ATP9A: variants seen among roughly 807,000 people sequenced by gnomAD.
ATP9A encodes the protein ATPase phospholipid transporting 9A, also known as probable phospholipid-transporting ATPase IIA.
Under a neutral mutation model 144.1 loss-of-function variants are expected in ATP9A, and 52 were observed. The observed-to-expected ratio is 0.36, with a 90% CI of 0.29 to 0.45. The LOEUF is 0.45. Among genes scored for constraint, ATP9A ranks in the 20% least tolerant of loss-of-function variants. The pLI, the probability that ATP9A is intolerant of heterozygous loss-of-function variation, is 1.00. For missense variants in ATP9A, 947 were observed against 1,392.7 expected, an observed-to-expected ratio of 0.68 and a Z score of 5.09; for synonymous variants, 582 against 557.4, an observed-to-expected ratio of 1.04 and a Z score of -0.62.
chr20:51,709,293 C>A (rs914281458), intron 4 of ATP9A, among the ~76,000 whole-genome samples: 10 of 151,996 alleles, frequency 6.6e-5, no homozygotes, highest in Admixed American at 4.6e-4. Context: ...GGTGGGCCAA[C>A]TGCCTGAGGT....
intron 1 of ATP9A, among the ~76,000 whole-genome samples, chr20:51,738,498 G>A (rs1158561528): frequency 6.6e-6 from 1 of 150,908 alleles, no homozygotes; most frequent in Non-Finnish European, 1.5e-5. Flanking sequence ...GAGGTCAGGA[G>A]TTCACGACCA....
At chr20:51,632,398 C>A (rs971939515) in intron 15 of ATP9A, among the ~76,000 whole-genome samples, 2 of 152,170 alleles carry the variant, frequency 1.3e-5, no homozygotes, top group Non-Finnish European at 2.9e-5. Context: ...TATAACTGAA[C>A]TAAAACTTCC....
chr20:51,679,534 G>A (rs922017915), intron 9 of ATP9A, among the ~76,000 whole-genome samples: 2 of 151,942 alleles, frequency 1.3e-5, no homozygotes, highest in Non-Finnish European at 2.9e-5. Context: ...CTGTTGACCC[G>A]AAAGTATCCA....
intron 14 of ATP9A, among the ~76,000 whole-genome samples, chr20:51,656,249 A>T (rs2077386383): frequency 6.6e-6 from 1 of 152,118 alleles, no homozygotes; most frequent in Non-Finnish European, 1.5e-5. Flanking sequence ...AAAATATACT[A>T]ACTATATTAA....
At chr20:51,761,677 G>A (rs1284250993) in intron 1 of ATP9A, among the ~76,000 whole-genome samples, 2 of 151,646 alleles carry the variant, frequency 1.3e-5, no homozygotes, top group Admixed American at 6.6e-5. Context: ...GGAGAATGGC[G>A]CGAACCCGGA....
intron 3 of ATP9A, among the ~76,000 whole-genome samples, chr20:51,715,379 G>C (rs2077657643): frequency 6.6e-6 from 1 of 152,204 alleles, no homozygotes; most frequent in Non-Finnish European, 1.5e-5. Context: ...AACCTGTTCT[G>C]TGAGGAGCAC....
At position 51,611,277 on chromosome 20, in the gene ATP9A, T is replaced by C. The variant is rs868402297; in HGVS notation, c.2572-1112A>G. Reference sequence around the variant, plus strand: ...AGAGCGCAGGTGATCCTGAGCGCCATGGCCACAGGAAGCCCCAGTTCGCCC... The same window carrying C: ...AGAGCGCAGGTGATCCTGAGCGCCACGGCCACAGGAAGCCCCAGTTCGCCC... On this transcript the variant is annotated intron_variant, in intron 23 of 27. Transcript: ENST00000338821. The surrounding 1 kb of genome is among the most constrained non-coding windows in gnomAD (Gnocchi z 4.2). Among the ~76,000 whole-genome samples the C allele has an allele frequency of 1.3e-5, 2 of 152,132 alleles. No homozygotes were observed. The highest frequency in any genetic ancestry group is 4.8e-5 in the African/African-American group (2 of 41,386).
chr20:51,658,169 G>A (rs552127127), intron 13 of ATP9A, among the ~76,000 whole-genome samples: 345 of 152,278 alleles, frequency 2.3e-3, no homozygotes, highest in Non-Finnish European at 3.9e-3. Context: ...TCCTGTCAAC[G>A]AGAGGAGTGG....
Position 51,768,325 on chromosome 20 carries a change from C to T in ATP9A, c.45G>A (p.Arg15=). The T allele has an allele frequency of 7.6e-7, 1 of 1,314,162 alleles. No homozygotes were observed. The highest frequency in any genetic ancestry group is 1.5e-5 in the African/African-American group (1 of 65,758). The allele number at this position is 1,314,162 out of a possible 1,614,324, so 81.4% of individuals were successfully genotyped here. ...IPLQPVRQKK[R]MDSRPRAGCC... is the part of the protein sequence containing the mutation. Reference sequence around the variant, plus strand: ...ACCCGGCGCGGGGCCTGCTGTCCATCCGCTTCTTCTGGCGCACCGGCTGCA... The same window carrying T: ...ACCCGGCGCGGGGCCTGCTGTCCATTCGCTTCTTCTGGCGCACCGGCTGCA... The change falls in exon 1 of 28, where the codon CGG becomes CGA. Residue 15 remains arginine (R), a synonymous_variant. Transcript: ENST00000338821.
At chr20:51,734,902 T>C (rs1459212498) in intron 1 of ATP9A, 5 of 216,052 alleles carry the variant, frequency 2.3e-5, no homozygotes, top group East Asian at 1.1e-4. Context: ...CTTGCCTACA[T>C]TGCCCACTCC....
rs757016615 is a variant in ATP9A, at chr20:51,613,847, A to T, written c.2416-15T>A. On this transcript the variant is annotated splice_polypyrimidine_tract_variant and intron_variant, in intron 22 of 27. Transcript: ENST00000338821. ...TGTTTTCCTTCCTAAAATCCAATAA[A>T]ATTAGGCACCATCAGAAGCACAAGA... 1 of 1,603,664 alleles carries T rather than the reference A, an allele frequency of 6.2e-7. No individual in the cohort carries two copies. The highest frequency in any genetic ancestry group is 8.5e-7 in the Non-Finnish European group (1 of 1,175,484).
At chr20:51,708,482 C>A (rs2077623871) in intron 4 of ATP9A, among the ~76,000 whole-genome samples, 1 of 152,208 alleles carries the variant, frequency 6.6e-6, no homozygotes. Context: ...CACCTGTAAT[C>A]CCAGACCTTT....
In ATP9A at chr20:51,627,608, C is replaced by T; in HGVS notation, c.1837G>A (p.Asp613Asn). Residue 613 changes from aspartate to asparagine, a missense_variant, in exon 17 of 28, where the codon GAC becomes AAC. Physicochemically the swap from Asp to Asn is conservative, Grantham distance 23. Transcript: ENST00000338821. ...GTCCCAGAACAACTTACTTCAAAGT[C>T]CTGATACTGCTCCTCTGCAAGAGAC... ...KKSLAEEQYQ[D>N]FEARYVQAKL... 1.2e-6 allele frequency: 2 copies of T among 1,614,136 alleles called. No homozygotes were observed. Among genetic ancestry groups the T allele is most frequent in the Non-Finnish European group, 1.7e-6 (2 of 1,179,996 alleles).
intron 9 of ATP9A, among the ~76,000 whole-genome samples, chr20:51,678,760 A>AG (rs2077487825): frequency 6.6e-6 from 1 of 152,190 alleles, no homozygotes; most frequent in South Asian, 2.1e-4. Context: ...CCCAGTAACA[A>AG]GGGGGACCCC....
chr20:51,732,042 C>G (rs1442221886), intron 1 of ATP9A, among the ~76,000 whole-genome samples: 1 of 151,992 alleles, frequency 6.6e-6, no homozygotes, highest in Non-Finnish European at 1.5e-5. Flanking sequence ...CCAAGGGCGC[C>G]CCCAACGTGG....
intron 9 of ATP9A, among the ~76,000 whole-genome samples, chr20:51,688,099 C>T (rs373772331): frequency 2.0e-5 from 3 of 152,286 alleles, no homozygotes; most frequent in South Asian, 2.1e-4. Context: ...GCCTCCGTTC[C>T]GTCATCTGCA....
In ATP9A at chr20:51,676,214, A is replaced by G; in HGVS notation, c.800-6T>C. ...AACAACACCCACAACAGTACCTAAA[A>G]TGGAAAAAAGAAAAAAAAAAAAAGA... On this transcript the variant is annotated splice_polypyrimidine_tract_variant and splice_region_variant and intron_variant, in intron 9 of 27. Transcript: ENST00000338821. The G allele has an allele frequency of 6.3e-7, 1 of 1,580,794 alleles. No individual in the cohort carries two copies. The highest frequency in any genetic ancestry group is 8.6e-7 in the Non-Finnish European group (1 of 1,166,942).
At chr20:51,734,908 A>C (rs1202174095) in intron 1 of ATP9A, 1 of 215,554 alleles carries the variant, frequency 4.6e-6, no homozygotes. Flanking sequence ...TACATTGCCC[A>C]CTCCAAACTT....
chr20:51,611,568 C>G lies in ATP9A; in HGVS notation c.2572-1403G>C, dbSNP rs1187261030. Among the ~76,000 whole-genome samples the G allele has an allele frequency of 6.6e-6, 1 of 152,216 alleles. No individual in the cohort carries two copies. Among genetic ancestry groups the G allele is most frequent in the African/African-American group, 2.4e-5 (1 of 41,442 alleles). ...GACTTGCTCTCGGCCATTTTCAGCACAGTGGACAGGGGTTAAAGGCATTTT... is the reference window on the plus strand; with the variant it reads ...GACTTGCTCTCGGCCATTTTCAGCAGAGTGGACAGGGGTTAAAGGCATTTT... On this transcript the variant is annotated intron_variant, in intron 23 of 27. Coordinates refer to ENST00000338821, the MANE Select transcript of ATP9A (RefSeq NM_006045.3). This position sits in a 1 kb window ranked among gnomAD's most constrained non-coding sequence, Gnocchi z 4.2.
Sources: allele counts gnomAD v4.1 joint callset (sites outside exome capture counted in the v4.1 genomes callset), GRCh38; gene constraint gnomAD v4.1.1; non-coding constraint Gnocchi (gnomAD v3.1); transcripts MANE v1.5; gene names NCBI Gene and HGNC (gene_info 2026-07-23, HGNC 2026-07-21).